Variants in ABCC4 observed in about 807,000 individuals in gnomAD.
ABCC4 encodes ATP binding cassette subfamily C member 4 (PEL blood group).
Under a neutral mutation model 168.5 loss-of-function variants are expected in ABCC4, and 102 were observed. The observed-to-expected ratio is 0.61, with a 90% CI of 0.52 to 0.71. The LOEUF (loss-of-function observed/expected upper bound fraction) is 0.71, where lower values mean the gene tolerates loss of function less well. ABCC4 is among the 30% of genes least tolerant of loss of function. The probability of loss-of-function intolerance (pLI) is 0.00; values close to 1 mark genes in which losing one functional copy is unlikely to be tolerated. For missense variants in ABCC4, 1,402 were observed against 1,605.8 expected (o/e 0.87, Z 2.17); for synonymous variants, 617 against 590.7 (o/e 1.04, Z -0.65).
intron 26 of ABCC4, among the ~76,000 whole-genome samples, chr13:95,062,047 A>C (rs931112): frequency 0.023 from 3,504 of 152,236 alleles, 120 homozygotes; most frequent in African/African-American, 0.078. Flanking sequence ...ACCCTCCACC[A>C]TCAGAGCAAA....
intron 1 of ABCC4, among the ~76,000 whole-genome samples, chr13:95,256,974 C>A (rs2040408529): frequency 6.6e-6 from 1 of 152,074 alleles, no homozygotes; most frequent in South Asian, 2.1e-4. Context: ...GTTTGCGCAC[C>A]AAGAAGCACA....
intron 19 of ABCC4, among the ~76,000 whole-genome samples, chr13:95,119,807 T>C (rs1287665353): frequency 6.6e-6 from 1 of 152,236 alleles, no homozygotes; most frequent in Non-Finnish European, 1.5e-5. Flanking sequence ...TTACGTCTCA[T>C]AAAACTCATC....
rs73559607 is a variant in ABCC4, at chr13:95,103,505, G to A, written c.2535+12417C>T. Among the ~76,000 whole-genome samples the A allele has an allele frequency of 2.7e-3, 418 of 152,296 alleles. 4 individuals are homozygous for A. The highest frequency in any genetic ancestry group is 0.01 in the Middle Eastern group (3 of 294). On this transcript the variant is annotated intron_variant, in intron 20 of 30. Coordinates refer to ENST00000645237, the MANE Select transcript of ABCC4 (RefSeq NM_005845.5). ...CAGCTTTAACAGTTGATCTAGTAAA[G>A]CATTCACGGAGGTGTGCAAACCTAA...
chr13:95,203,336 CTTTT>C (rs35053264), intron 8 of ABCC4, among the ~76,000 whole-genome samples: 3 of 126,706 alleles, frequency 2.4e-5, no homozygotes, highest in Admixed American at 8.0e-5. Context: ...TCAGGAGGCT[CTTTT>C]TTTTTTTTTT....
chr13:95,182,167 A>C (rs1053292462), intron 11 of ABCC4, among the ~76,000 whole-genome samples: 4 of 152,210 alleles, frequency 2.6e-5, no homozygotes, highest in African/African-American at 9.7e-5. Flanking sequence ...AACAACAAAA[A>C]GGCATAACAA....
intron 3 of ABCC4, among the ~76,000 whole-genome samples, chr13:95,245,761 A>G (rs981482920): frequency 1.3e-5 from 2 of 152,070 alleles, no homozygotes; most frequent in Non-Finnish European, 2.9e-5. Context: ...GTTGTCTGAC[A>G]GATTCCTCTG....
chr13:95,283,599 T>C (rs1315505925), intron 1 of ABCC4, among the ~76,000 whole-genome samples: 4 of 152,086 alleles, frequency 2.6e-5, no homozygotes, highest in South Asian at 2.1e-4. Flanking sequence ...GAGCATCTCA[T>C]GCTGAGTGGC....
At chr13:95,168,320 G>A (rs1261444525) in intron 14 of ABCC4, among the ~76,000 whole-genome samples, 2 of 152,132 alleles carry the variant, frequency 1.3e-5, no homozygotes, top group East Asian at 1.9e-4. Flanking sequence ...CTATTCCTGG[G>A]GGAGTGGGGA....
chr13:95,184,589 A>C (rs879731879), intron 11 of ABCC4, among the ~76,000 whole-genome samples: 3 of 152,318 alleles, frequency 2.0e-5, no homozygotes, highest in Middle Eastern at 3.4e-3. Context: ...TGAACAAATC[A>C]TTCTTAAATT....
At chr13:95,236,089 C>T (rs748378844) in intron 3 of ABCC4, among the ~76,000 whole-genome samples, 1 of 152,126 alleles carries the variant, frequency 6.6e-6, no homozygotes, top group Non-Finnish European at 1.5e-5. Context: ...GCTTGAGCCA[C>T]GGTTTGAGGT....
chr13:95,218,695 T>G (rs2039193128), intron 4 of ABCC4, among the ~76,000 whole-genome samples: 1 of 150,956 alleles, frequency 6.6e-6, no homozygotes, highest in African/African-American at 2.4e-5. Flanking sequence ...ACAAAAAAAT[T>G]TAAAAATTAA....
At chr13:95,234,330 G>A (rs2039702985) in intron 4 of ABCC4, among the ~76,000 whole-genome samples, 1 of 152,180 alleles carries the variant, frequency 6.6e-6, no homozygotes, top group Non-Finnish European at 1.5e-5. Context: ...AGGCAGCCAT[G>A]CCCTGACAGC....
intron 30 of ABCC4, among the ~76,000 whole-genome samples, chr13:95,027,615 T>C (rs182831059): frequency 8.0e-4 from 121 of 152,148 alleles, no homozygotes; most frequent in African/African-American, 2.7e-3. Flanking sequence ...TGAAGGCAAA[T>C]AGAAGAAAAA....
At chr13:95,301,057 C>A (rs1486036669) in intron 1 of ABCC4, among the ~76,000 whole-genome samples, 184 bp downstream of exon 1, 2 of 152,032 alleles carry the variant, frequency 1.3e-5, no homozygotes, top group African/African-American at 4.8e-5. Context: ...GCAGGGACCA[C>A]GCGGCCGGCG....
chr13:95,130,024 G>A (rs368150297), intron 19 of ABCC4, among the ~76,000 whole-genome samples: 3 of 148,704 alleles, frequency 2.0e-5, no homozygotes, highest in East Asian at 2.0e-4. Context: ...GCAGTGAGCC[G>A]AGATCACACC....
chr13:95,075,634 C>T (rs1022329381), intron 21 of ABCC4, 83 bp from the exon 22 acceptor site: 185 of 1,577,380 alleles, frequency 1.2e-4, no homozygotes, highest in Non-Finnish European at 1.6e-4. Flanking sequence ...GGTCACGTAT[C>T]CACCAAACAG....
chr13:95,109,070 T>C (rs2035111659), intron 20 of ABCC4, among the ~76,000 whole-genome samples: 1 of 152,200 alleles, frequency 6.6e-6, no homozygotes, highest in African/African-American at 2.4e-5. Flanking sequence ...AGAATGCCAA[T>C]TCCTAGAAGC....
chr13:95,161,546 GA>G (rs767206173), intron 18 of ABCC4, among the ~76,000 whole-genome samples: 1 of 152,122 alleles, frequency 6.6e-6, no homozygotes, highest in Non-Finnish European at 1.5e-5. Context: ...AAACTGCACA[GA>G]AAAGAAAAAT....
chr13:95,169,907 AG>A (rs1438257314), intron 14 of ABCC4, among the ~76,000 whole-genome samples: 11 of 152,126 alleles, frequency 7.2e-5, no homozygotes, highest in African/African-American at 2.7e-4. Flanking sequence ...CCCAGGCTGG[AG>A]TGCAACGGCA....
Sources: allele counts gnomAD v4.1 joint callset (sites outside exome capture counted in the v4.1 genomes callset), GRCh38; gene constraint gnomAD v4.1.1; transcripts MANE v1.5; gene names NCBI Gene and HGNC (gene_info 2026-07-23, HGNC 2026-07-21).